The following FBXW4 variants were observed in gnomAD, a reference collection of about 807,000 sequenced individuals.
The protein encoded by FBXW4 is F-box/WD repeat-containing protein 4.
FBXW4 carries 40 observed loss-of-function variants against 61.8 expected under a neutral mutation model. That is an observed-to-expected ratio of 0.65 (90% CI 0.50 to 0.84). The LOEUF (loss-of-function observed/expected upper bound fraction) is 0.84. Among genes scored for constraint, FBXW4 ranks in the 40% least tolerant of loss-of-function variants. The pLI is 0.00. For missense variants in FBXW4, 672 were observed against 753.8 expected (o/e 0.89, Z 1.27); for synonymous variants, 311 against 313.8 (o/e 0.99, Z 0.10).
intron 4 of FBXW4, among the ~76,000 whole-genome samples, chr10:101,670,725 T>C: frequency 6.6e-6 from 1 of 152,088 alleles, no homozygotes; most frequent in Non-Finnish European, 1.5e-5. Flanking sequence ...AAGAAGGAAA[T>C]GAAGGAATGG....
intron 6 of FBXW4, among the ~76,000 whole-genome samples, chr10:101,612,823 G>GAA (rs555663424): frequency 6.6e-6 from 1 of 150,638 alleles, no homozygotes; most frequent in Non-Finnish European, 1.5e-5. Flanking sequence ...ACATGCACAT[G>GAA]CACACACACA....
chr10:101,618,410 G>A (rs2063842266), intron 6 of FBXW4, among the ~76,000 whole-genome samples: 1 of 152,168 alleles, frequency 6.6e-6, no homozygotes, highest in African/African-American at 2.4e-5. Context: ...GCACAGAGGG[G>A]GTATTCTGGG....
rs758509943 is a variant in FBXW4 at position 101,611,611 on chromosome 10, G to A, written c.1584+17C>T. 3.7e-6 allele frequency: 6 copies of A among 1,613,286 alleles called. No homozygotes were observed. The highest frequency in any genetic ancestry group is 4.2e-6 in the Non-Finnish European group (5 of 1,179,354). On this transcript the variant is annotated intron_variant, in intron 8 of 8. Transcript: ENST00000331272. This position sits in a 1 kb window ranked among gnomAD's most constrained non-coding sequence, Gnocchi z 4.9. ...TGAGTCCTGGCATGCTGGAGAAGAG[G>A]TGGGCAGGACACTTACGTGCAGGCA...
chr10:101,685,079 T>C (rs1191545630), intron 1 of FBXW4, among the ~76,000 whole-genome samples: 9 of 152,210 alleles, frequency 5.9e-5, no homozygotes, highest in Admixed American at 3.3e-4. Flanking sequence ...TTCATTCATA[T>C]ACCCACACTT....
intron 5 of FBXW4, chr10:101,625,250 C>T: frequency 5.0e-6 from 1 of 199,796 alleles, no homozygotes. Context: ...GTAGGAGCAG[C>T]TGAGGGGCAT....
intron 1 of FBXW4, among the ~76,000 whole-genome samples, chr10:101,684,927 C>A (rs1262023117): frequency 1.3e-5 from 2 of 152,154 alleles, no homozygotes; most frequent in Non-Finnish European, 2.9e-5. Context: ...CAAGACCATG[C>A]ACAAAGAGGG....
At chr10:101,657,012 G>A (rs1361446628) in intron 5 of FBXW4, among the ~76,000 whole-genome samples, 1 of 152,152 alleles carries the variant, frequency 6.6e-6, no homozygotes, top group Non-Finnish European at 1.5e-5. Context: ...TGGGCCAGCA[G>A]CTCCTGGACT....
chr10:101,664,406 G>A (rs1182026996), intron 5 of FBXW4, among the ~76,000 whole-genome samples: 1 of 152,208 alleles, frequency 6.6e-6, no homozygotes, highest in African/African-American at 2.4e-5. Context: ...TGAGAAATTG[G>A]CAGGTAAACC....
intron 5 of FBXW4, chr10:101,628,039 A>T (rs2063921347): frequency 1.1e-6 from 1 of 946,860 alleles, no homozygotes; most frequent in Non-Finnish European, 1.3e-6. Context: ...CACATCCCTC[A>T]CGGTGCTGGC....
chr10:101,625,161 A>C, intron 5 of FBXW4: 1 of 265,588 alleles, frequency 3.8e-6, no homozygotes, highest in Non-Finnish European at 7.4e-6. Flanking sequence ...TAGGAATCCC[A>C]AGAGCACAAT....
intron 1 of FBXW4, among the ~76,000 whole-genome samples, chr10:101,691,548 C>T (rs2064603142): frequency 6.6e-6 from 1 of 152,182 alleles, no homozygotes; most frequent in Non-Finnish European, 1.5e-5. Flanking sequence ...AAGCATTTTA[C>T]ACCATAAATT....
chr10:101,622,557 C>T (rs1197928751), intron 6 of FBXW4, among the ~76,000 whole-genome samples: 3 of 151,866 alleles, frequency 2.0e-5, no homozygotes, highest in African/African-American at 7.3e-5. Context: ...GAAATCCTGT[C>T]TCTACTAAAA....
chr10:101,677,070 A>T (rs2064419378), intron 1 of FBXW4, among the ~76,000 whole-genome samples: 1 of 152,220 alleles, frequency 6.6e-6, no homozygotes, highest in Admixed American at 6.5e-5. Context: ...TATTTTTAGA[A>T]GACCAATAAG....
chr10:101,670,968 A>C (rs1170473910), intron 4 of FBXW4, among the ~76,000 whole-genome samples: 1 of 152,246 alleles, frequency 6.6e-6, no homozygotes, highest in Non-Finnish European at 1.5e-5. Context: ...TCTTTCCTAA[A>C]ATACAGTACA....
Position 101,694,637 on chromosome 10 carries a change from C to A in FBXW4, c.469G>T (p.Ala157Ser). Residue 157 changes from alanine to serine, a missense_variant, in exon 1 of 9, where the codon GCG (alanine) becomes TCG (serine). Around this residue, in one of 5 missense-constraint regions of FBXW4, gnomAD observed 311 missense variants for 301.1 expected, o/e 1.03. Transcript: ENST00000331272. This position sits in a 1 kb window ranked among gnomAD's most constrained non-coding sequence, Gnocchi z 6.0. ...TCCTCCTCCTCCCCGGCCGCCGCCG[C>A]CATGGCCACCCCTGTCCCCGCGATG... is the stretch of plus-strand genomic sequence containing the variant. ...ADIAGTGVAM[A>S]AAAGEEEEEE... 7.0e-7 allele frequency: 1 copy of A among 1,427,760 alleles called. No individual in the cohort carries two copies. Among genetic ancestry groups the A allele is most frequent in the East Asian group, 2.9e-5 (1 of 34,088 alleles). The allele number at this position is 1,427,760 out of a possible 1,614,324, so 88.4% of individuals were successfully genotyped here. A position where few individuals can be genotyped will look rare whatever the true frequency, so the allele number is the denominator to read the frequency against.
chr10:101,690,114 G>A (rs1277808468), intron 1 of FBXW4, among the ~76,000 whole-genome samples: 2 of 152,190 alleles, frequency 1.3e-5, no homozygotes, highest in African/African-American at 4.8e-5. Flanking sequence ...TTTAAAAATA[G>A]CTTTACATGC....
chr10:101,649,638 G>A (rs974548890), intron 5 of FBXW4, among the ~76,000 whole-genome samples: 3 of 152,202 alleles, frequency 2.0e-5, no homozygotes, highest in African/African-American at 7.2e-5. Context: ...AGACCTTGGA[G>A]CTCCAGCTTC....
At chr10:101,642,975 T>G (rs1296128881) in intron 5 of FBXW4, among the ~76,000 whole-genome samples, 1 of 152,022 alleles carries the variant, frequency 6.6e-6, no homozygotes, top group Non-Finnish European at 1.5e-5. Context: ...CAGGTCAACT[T>G]CCCTCCCTGC....
At chr10:101,618,936 G>A (rs2063846536) in intron 6 of FBXW4, among the ~76,000 whole-genome samples, 1 of 152,124 alleles carries the variant, frequency 6.6e-6, no homozygotes, top group South Asian at 2.1e-4. Flanking sequence ...GAGGAAGGGG[G>A]TATTTGTGAT....
Sources: allele counts gnomAD v4.1 joint callset (sites outside exome capture counted in the v4.1 genomes callset), GRCh38; gene constraint gnomAD v4.1.1; regional missense constraint gnomAD v4.1.1; non-coding constraint Gnocchi (gnomAD v3.1); transcripts MANE v1.5; gene names NCBI Gene and HGNC (gene_info 2026-07-23, HGNC 2026-07-21).